KCNIP1: variants seen among roughly 807,000 people sequenced by gnomAD.
The protein encoded by KCNIP1 is potassium voltage-gated channel interacting protein 1, also known as A-type potassium channel modulatory protein KCNIP1.
KCNIP1 carries 18 observed loss-of-function variants against 33.0 expected under a neutral mutation model. The ratio of observed to expected loss-of-function variants is 0.55; its 90% CI spans 0.38 to 0.81. The LOEUF (loss-of-function observed/expected upper bound fraction) is 0.81. KCNIP1 is among the 30% of genes least tolerant of loss of function. The pLI is 0.00. For synonymous variants in KCNIP1, 93 were observed against 98.3 expected, an observed-to-expected ratio of 0.95 and a Z score of 0.32; for missense variants, 238 against 271.6, an observed-to-expected ratio of 0.88 and a Z score of 0.87.
At position 170,671,032 on chromosome 5, in the gene KCNIP1, C is replaced by T. The variant is rs111580585; in HGVS notation, c.62-47726C>T. On this transcript the variant is annotated intron_variant, in intron 1 of 7. Coordinates refer to ENST00000328939, the MANE Select transcript of KCNIP1 (RefSeq NM_014592.4). ...CTCTGTGGTCCTTTAGGCATTAACA[C>T]CACCTTGTCACTGTGTCTTCTGAGG... Among the ~76,000 whole-genome samples the T allele has an allele frequency of 1.1e-3, 167 of 152,234 alleles. 1 individual carries two copies. Among genetic ancestry groups the T allele is most frequent in the African/African-American group, 3.9e-3 (162 of 41,538 alleles).
chr5:170,452,482 G>C (rs1468925635), intron 1 of KCNIP1, among the ~76,000 whole-genome samples: 1 of 152,126 alleles, frequency 6.6e-6, no homozygotes, highest in Admixed American at 6.5e-5. Context: ...GTCAACAAAA[G>C]CTGGTGATGG....
At chr5:170,402,450 C>T (rs891427749) in intron 1 of KCNIP1, among the ~76,000 whole-genome samples, 3 of 152,204 alleles carry the variant, frequency 2.0e-5, no homozygotes, top group African/African-American at 7.2e-5. Flanking sequence ...TATGGATGTT[C>T]CTGCTTGGGA....
chr5:170,354,954 GC>G (rs1180576423), intron 1 of KCNIP1, among the ~76,000 whole-genome samples: 2 of 152,192 alleles, frequency 1.3e-5, no homozygotes, highest in Non-Finnish European at 1.5e-5. Flanking sequence ...CAGGGAAGGA[GC>G]CCACAAAACT....
At chr5:170,534,823 G>A (rs565097586) in intron 1 of KCNIP1, among the ~76,000 whole-genome samples, 25 of 145,640 alleles carry the variant, frequency 1.7e-4, no homozygotes, top group Non-Finnish European at 3.1e-4. Context: ...TACCATGCCC[G>A]GCATAGATTT....
chr5:170,630,215 C>T lies in KCNIP1; in HGVS notation c.62-88543C>T, dbSNP rs139912066. 1.3e-4 allele frequency among the ~76,000 whole-genome samples: 20 copies of T among 152,310 alleles called. No homozygotes were observed. In the East Asian group the frequency reaches 3.7e-3, roughly 28 times the overall value. On this transcript the variant is annotated intron_variant, in intron 1 of 7. Transcript: ENST00000328939. ...TCAGACAAAAAGGTTAGATACAGGA[C>T]CTGATATGTTATAAAACTCAATCAA...
intron 1 of KCNIP1, among the ~76,000 whole-genome samples, chr5:170,557,889 G>T (rs900781614): frequency 6.6e-6 from 1 of 152,218 alleles, no homozygotes; most frequent in African/African-American, 2.4e-5. Context: ...AAGATTAAAT[G>T]ACAGGAGACA....
intron 1 of KCNIP1, among the ~76,000 whole-genome samples, chr5:170,459,714 C>T (rs987439688): frequency 2.0e-5 from 3 of 152,098 alleles, no homozygotes; most frequent in Non-Finnish European, 4.4e-5. Context: ...AAGTTCATAG[C>T]CCTAAAGGCC....
chr5:170,712,910 T>C lies in KCNIP1; in HGVS notation c.62-5848T>C. ...AGGTAAAAAACAGTTTAAACTAACCTGACTTTGGTCACATGACTTGCAAAG... is the reference window on the plus strand; with the variant it reads ...AGGTAAAAAACAGTTTAAACTAACCCGACTTTGGTCACATGACTTGCAAAG... On this transcript the variant is annotated intron_variant, in intron 1 of 7. Transcript: ENST00000328939. The C allele has an allele frequency of 5.6e-6, 9 of 1,605,876 alleles. No individual in the cohort carries two copies. In the South Asian group the frequency reaches 6.6e-5, roughly 12 times the overall value.
intron 1 of KCNIP1, among the ~76,000 whole-genome samples, chr5:170,467,453 G>A (rs1416161224): frequency 3.3e-5 from 5 of 152,132 alleles, no homozygotes; most frequent in Non-Finnish European, 7.4e-5. Flanking sequence ...TGGCCTGAGT[G>A]GGGAGGAGGA....
At chr5:170,602,186 G>A (rs897507592) in intron 1 of KCNIP1, among the ~76,000 whole-genome samples, 13 of 152,222 alleles carry the variant, frequency 8.5e-5, no homozygotes, top group African/African-American at 2.9e-4. Flanking sequence ...GGGACAGTAA[G>A]TCAGTCAACA....
At chr5:170,678,906 A>G (rs1288440073) in intron 1 of KCNIP1, 1 of 152,276 alleles carries the variant, frequency 6.6e-6, no homozygotes, top group Non-Finnish European at 1.5e-5. Flanking sequence ...AGATAAGCCA[A>G]GAGAACAAAG....
intron 1 of KCNIP1, among the ~76,000 whole-genome samples, chr5:170,365,074 C>T (rs943606353): frequency 6.6e-6 from 1 of 152,142 alleles, no homozygotes; most frequent in African/African-American, 2.4e-5. Context: ...CACTAAGAGT[C>T]GAGCTCTGTG....
chr5:170,422,323 C>G (rs1373615768), intron 1 of KCNIP1: 2 of 152,226 alleles, frequency 1.3e-5, no homozygotes, highest in East Asian at 3.8e-4. Context: ...CACTGCTTCT[C>G]AGGTCTTCAA....
chr5:170,520,867 G>C (rs1450781295), intron 1 of KCNIP1, among the ~76,000 whole-genome samples: 1 of 152,180 alleles, frequency 6.6e-6, no homozygotes, highest in Non-Finnish European at 1.5e-5. Flanking sequence ...GTGCTGTTCA[G>C]AACCTGGTTC....
chr5:170,699,646 G>C (rs1409087129), intron 1 of KCNIP1, among the ~76,000 whole-genome samples: 2 of 151,614 alleles, frequency 1.3e-5, no homozygotes, highest in Non-Finnish European at 2.9e-5. Context: ...CAGTTCTGAA[G>C]CTGAGCCCAA....
At chr5:170,608,522 A>G (rs1379932635) in intron 1 of KCNIP1, among the ~76,000 whole-genome samples, 3 of 152,226 alleles carry the variant, frequency 2.0e-5, no homozygotes, top group Non-Finnish European at 4.4e-5. Context: ...CAGTAATCCC[A>G]GCACTTTGGG....
At chr5:170,547,962 G>C (rs1295242402) in intron 1 of KCNIP1, among the ~76,000 whole-genome samples, 1 of 152,138 alleles carries the variant, frequency 6.6e-6, no homozygotes, top group Admixed American at 6.5e-5. Context: ...CTTCCACAAT[G>C]TTTGAACTAA....
At chr5:170,720,250 A>T in intron 2 of KCNIP1, 71 bp from the exon 3 acceptor site, 1 of 1,118,372 alleles carries the variant, frequency 8.9e-7, no homozygotes, top group South Asian at 1.3e-5. Flanking sequence ...CCCAGACACC[A>T]AGGCTGGGCC....
At chr5:170,566,480 G>C (rs527713560) in intron 1 of KCNIP1, among the ~76,000 whole-genome samples, 84 of 152,218 alleles carry the variant, frequency 5.5e-4, no homozygotes, top group Non-Finnish European at 1.1e-3. Context: ...GAAATTCAGT[G>C]ACTTGTCCAA....
Sources: allele counts gnomAD v4.1 joint callset (sites outside exome capture counted in the v4.1 genomes callset), GRCh38; gene constraint gnomAD v4.1.1; transcripts MANE v1.5; gene names NCBI Gene and HGNC (gene_info 2026-07-23, HGNC 2026-07-21).